KIAA1671: variants seen among roughly 807,000 people sequenced by gnomAD.
KIAA1671 encodes uncharacterized protein KIAA1671.
A neutral mutation model predicts 131.2 loss-of-function variants in KIAA1671; 52 were observed. The ratio of observed to expected loss-of-function variants is 0.40; its 90% CI spans 0.32 to 0.50. KIAA1671 has a LOEUF of 0.50. Ranked by LOEUF, KIAA1671 falls within the 20% of genes least tolerant of loss-of-function variation. The pLI is 0.73. For missense variants in KIAA1671, 2,360 were observed against 2,364.2 expected (o/e 1.00, Z 0.04); for synonymous variants, 1,003 against 961.6 (o/e 1.04, Z -0.80).
intron 1 of KIAA1671, among the ~76,000 whole-genome samples, chr22:25,005,269 A>G (rs571630664): frequency 6.7e-6 from 1 of 149,766 alleles, no homozygotes; most frequent in Non-Finnish European, 1.5e-5. Context: ...AATCGCTTGA[A>G]CCCGGGAGGC....
chr22:24,978,024 T>C (rs1273074033), intron 1 of KIAA1671, among the ~76,000 whole-genome samples: 1 of 152,160 alleles, frequency 6.6e-6, no homozygotes, highest in Non-Finnish European at 1.5e-5. Context: ...AGTTAACGTA[T>C]TGAACACATG....
chr22:25,165,146 C>T (rs1933603539), intron 6 of KIAA1671, among the ~76,000 whole-genome samples: 1 of 152,052 alleles, frequency 6.6e-6, no homozygotes. Context: ...TACCAGGATA[C>T]TAACTAGAGA....
chr22:24,970,205 T>G (rs1051586202), intron 1 of KIAA1671, among the ~76,000 whole-genome samples: 34 of 152,046 alleles, frequency 2.2e-4, no homozygotes, highest in African/African-American at 7.0e-4. Flanking sequence ...CCCCGCTGAC[T>G]TCAGCAGTGG....
At chr22:24,983,393 C>CT (rs1389720754) in intron 1 of KIAA1671, among the ~76,000 whole-genome samples, 1 of 151,994 alleles carries the variant, frequency 6.6e-6, no homozygotes, top group Non-Finnish European at 1.5e-5. Context: ...TCTGTGTGTT[C>CT]TTTTTTTATA....
intron 6 of KIAA1671, among the ~76,000 whole-genome samples, chr22:25,073,422 T>C (rs1417983293): frequency 2.0e-5 from 3 of 152,178 alleles, no homozygotes; most frequent in Admixed American, 2.0e-4. Context: ...ATTTAAAGTG[T>C]GCAACCAGAT....
At position 25,093,757 on chromosome 22, in the gene KIAA1671, TC is replaced by T. The variant is rs1568951105; in HGVS notation, c.4530+44394del. Among the ~76,000 whole-genome samples, 386 of 124,458 alleles carry T rather than the reference TC, an allele frequency of 3.1e-3. 3 individuals are homozygous for T. Among genetic ancestry groups the T allele is most frequent in the Non-Finnish European group, 4.0e-3 (232 of 57,540 alleles). The allele number at this position is 124,458 out of a possible 152,430, so 81.6% of individuals were successfully genotyped here. On this transcript the variant is annotated intron_variant, in intron 6 of 12. Coordinates refer to ENST00000358431, the MANE Select transcript of KIAA1671 (RefSeq NM_001145206.2). ...CACACACTCTCTCTCTCTCTCTCTC[TC>T]TCTCTCTCTGTCTCTCTCTCTCTCT...
chr22:25,048,604 C>G (rs1397418129), intron 5 of KIAA1671, among the ~76,000 whole-genome samples: 4 of 152,090 alleles, frequency 2.6e-5, no homozygotes, highest in African/African-American at 9.7e-5. Context: ...AAATATGCAT[C>G]CTGGAGTCCT....
chr22:25,035,261 A>G (rs2145797936), intron 4 of KIAA1671, among the ~76,000 whole-genome samples: 1 of 152,028 alleles, frequency 6.6e-6, no homozygotes, highest in South Asian at 2.1e-4. Context: ...TGGCCAGGCC[A>G]GTCTTGAACT....
At chr22:25,191,680 T>G (rs921173157) in intron 12 of KIAA1671, among the ~76,000 whole-genome samples, 1 of 152,186 alleles carries the variant, frequency 6.6e-6, no homozygotes, top group African/African-American at 2.4e-5. Context: ...CCTGTGGTGC[T>G]TGACTGAGTG....
At chr22:25,066,896 G>C (rs1928505012) in intron 6 of KIAA1671, among the ~76,000 whole-genome samples, 1 of 152,202 alleles carries the variant, frequency 6.6e-6, no homozygotes, top group Non-Finnish European at 1.5e-5. Context: ...CATCTAAGAT[G>C]TGTGTGTGGA....
chr22:25,070,437 C>T lies in KIAA1671; in HGVS notation c.4530+21073C>T, dbSNP rs1883285. On this transcript the variant is annotated intron_variant, in intron 6 of 12. Coordinates refer to ENST00000358431, the MANE Select transcript of KIAA1671 (RefSeq NM_001145206.2). Reference sequence around the variant, plus strand: ...TCTGGGTGAGTGGCGGGGGGCAGTGCAGGCTCCAGGACGGGGTCACGTCCT... The same window carrying T: ...TCTGGGTGAGTGGCGGGGGGCAGTGTAGGCTCCAGGACGGGGTCACGTCCT... The T allele has an allele frequency of 9.7e-3, 4,450 of 457,598 alleles. 178 individuals are homozygous for T. Among genetic ancestry groups the T allele is most frequent in the East Asian group, 0.095 (2,737 of 28,706 alleles). The allele number at this position is 457,598 out of a possible 1,614,324, so 28.3% of individuals were successfully genotyped here. A position where few individuals can be genotyped will look rare whatever the true frequency, so the allele number is the denominator to read the frequency against.
chr22:25,047,158 T>C (rs1374856772), intron 5 of KIAA1671, among the ~76,000 whole-genome samples: 2 of 149,338 alleles, frequency 1.3e-5, no homozygotes, highest in African/African-American at 4.9e-5. Flanking sequence ...TTTCTTTTTT[T>C]TTTTTTTTTT....
chr22:25,032,530 T>TG, intron 3 of KIAA1671, 79 bp from the exon 4 acceptor site: 1 of 830,494 alleles, frequency 1.2e-6, no homozygotes, highest in Non-Finnish European at 1.9e-6. Context: ...TTACTTGGCC[T>TG]GGCCTCCTGA....
rs57822676 is a variant in KIAA1671 at position 25,156,012 on chromosome 22, C to CTTTTTTT, written c.4531-14787_4531-14781dup. Among the ~76,000 whole-genome samples the CTTTTTTT allele has an allele frequency of 2.8e-3, 98 of 35,344 alleles. 40 individuals carry two copies. Among genetic ancestry groups the CTTTTTTT allele is most frequent in the Non-Finnish European group, 4.1e-3 (61 of 15,020 alleles). The allele number at this position is 35,344 out of a possible 152,430, so 23.2% of individuals were successfully genotyped here. On this transcript the variant is annotated intron_variant, in intron 6 of 12. Coordinates refer to ENST00000358431, the MANE Select transcript of KIAA1671 (RefSeq NM_001145206.2). ...TTTTGTGCATGTATGTGTGTATGTGCTTTTTTTTTTTTTTTTTTTTTTTTT... is the reference window on the plus strand; with the variant it reads ...TTTTGTGCATGTATGTGTGTATGTGCTTTTTTTTTTTTTTTTTTTTTTTTTTTTTTTT...
rs139621283 is a variant in KIAA1671, at chr22:25,116,382, A to AGTATGTAT, written c.4531-54394_4531-54387dup. Among the ~76,000 whole-genome samples the AGTATGTAT allele has an allele frequency of 4.5e-3, 621 of 139,142 alleles. 8 individuals carry two copies. Among genetic ancestry groups the AGTATGTAT allele is most frequent in the Middle Eastern group, 0.01 (3 of 286 alleles). 91.3% of individuals were successfully genotyped at this position (139,142 alleles called of 152,430 possible). A position where few individuals can be genotyped will look rare whatever the true frequency, so the allele number is the denominator to read the frequency against. The stretch of plus-strand genomic sequence containing the variant: ...GCCACTGTACCCCACCCCCTCCACC[A>AGTATGTAT]GTATGTATGTATGTATGTATGTATG... On this transcript the variant is annotated intron_variant, in intron 6 of 12. Transcript: ENST00000358431.
intron 6 of KIAA1671, among the ~76,000 whole-genome samples, chr22:25,135,986 G>C (rs966501512): frequency 2.0e-5 from 3 of 152,236 alleles, no homozygotes; most frequent in African/African-American, 7.2e-5. Context: ...GGCTCAGGAA[G>C]GTGAAGTGGC....
At chr22:25,000,426 C>A (rs1239861360) in intron 1 of KIAA1671, among the ~76,000 whole-genome samples, 5 of 103,926 alleles carry the variant, frequency 4.8e-5, no homozygotes, top group Admixed American at 2.0e-4. Context: ...ATCTCCTGAC[C>A]TCGTGATCCG....
chr22:24,973,846 C>T (rs1922770044), intron 1 of KIAA1671, among the ~76,000 whole-genome samples: 1 of 152,104 alleles, frequency 6.6e-6, no homozygotes, highest in Non-Finnish European at 1.5e-5. Flanking sequence ...AAATATTTGT[C>T]AAATGAATGA....
intron 6 of KIAA1671, among the ~76,000 whole-genome samples, chr22:25,170,312 G>A (rs748082565): frequency 6.6e-6 from 1 of 152,166 alleles, no homozygotes; most frequent in Non-Finnish European, 1.5e-5. Context: ...GTTCAACCAG[G>A]TGATCTCATG....
Sources: gnomAD v4.1 joint callset for allele counts (sites outside exome capture counted in the v4.1 genomes callset) on GRCh38, gnomAD v4.1.1 for gene constraint, MANE v1.5 for transcripts, NCBI Gene and HGNC (gene_info 2026-07-23, HGNC 2026-07-21) for gene names.